The following CFAP221 variants were observed in gnomAD, a reference collection of about 807,000 sequenced individuals.
CFAP221 encodes cilia- and flagella-associated protein 221.
A neutral mutation model predicts 113.1 loss-of-function variants in CFAP221; 97 were observed. That is an observed-to-expected ratio of 0.86 (90% CI 0.73 to 1.02). The LOEUF (loss-of-function observed/expected upper bound fraction) is 1.02. Ranked by LOEUF, CFAP221 falls within the 50% of genes least tolerant of loss-of-function variation. CFAP221 has a pLI of 0.00. For missense variants in CFAP221, 1,025 were observed against 1,013.4 expected (o/e 1.01, Z -0.16); for synonymous variants, 331 against 354.4 (o/e 0.93, Z 0.74).
At chr2:119,585,362 T>G (rs1172145991) in intron 6 of CFAP221, among the ~76,000 whole-genome samples, 1 of 152,178 alleles carries the variant, frequency 6.6e-6, no homozygotes, top group Non-Finnish European at 1.5e-5. Context: ...TTGAATAAAT[T>G]AGAGACATGC....
chr2:119,658,728 G>A (rs1688530259), downstream of CFAP221, among the ~76,000 whole-genome samples: 1 of 151,814 alleles, frequency 6.6e-6, no homozygotes, highest in Non-Finnish European at 1.5e-5. Flanking sequence ...CGCCTGTAAT[G>A]CTAGCACTTT....
At chr2:119,617,796 G>A (rs906096247) in intron 14 of CFAP221, among the ~76,000 whole-genome samples, 4 of 152,162 alleles carry the variant, frequency 2.6e-5, no homozygotes, top group Non-Finnish European at 4.4e-5. Context: ...GAAACCCTCC[G>A]AAGATGTTCT....
At chr2:119,645,534 C>T (rs1687751508) in intron 21 of CFAP221, among the ~76,000 whole-genome samples, 1 of 151,576 alleles carries the variant, frequency 6.6e-6, no homozygotes, top group Non-Finnish European at 1.5e-5. Flanking sequence ...TCTATATCAG[C>T]TCACAGATGC....
At chr2:119,591,412 T>C (rs1233575918) in intron 7 of CFAP221, among the ~76,000 whole-genome samples, 4 of 152,220 alleles carry the variant, frequency 2.6e-5, no homozygotes, top group Non-Finnish European at 5.9e-5. Flanking sequence ...TGGTCAGTTT[T>C]ACCTGGTGCT....
At chr2:119,635,121 A>G (rs1687035200) in intron 19 of CFAP221, among the ~76,000 whole-genome samples, 1 of 152,264 alleles carries the variant, frequency 6.6e-6, no homozygotes. Context: ...GAAGATGCAC[A>G]GAATAATACA....
intron 7 of CFAP221, among the ~76,000 whole-genome samples, chr2:119,598,215 T>C (rs1022806224): frequency 3.9e-5 from 6 of 152,250 alleles, no homozygotes; most frequent in African/African-American, 1.4e-4. Flanking sequence ...AGAAATTTTT[T>C]TTAATGTTCC....
chr2:119,640,771 C>G (rs548838690), intron 21 of CFAP221, among the ~76,000 whole-genome samples: 54 of 152,314 alleles, frequency 3.5e-4, no homozygotes, highest in African/African-American at 1.2e-3. Flanking sequence ...GATCTTTACA[C>G]ACACCCCAGC....
intron 14 of CFAP221, among the ~76,000 whole-genome samples, chr2:119,623,631 C>T (rs1278014669): frequency 6.6e-6 from 1 of 152,208 alleles, no homozygotes; most frequent in Non-Finnish European, 1.5e-5. Context: ...TACAAGGCTA[C>T]AGTAACCAAA....
At chr2:119,655,084 C>T (rs1206508881) in intron 23 of CFAP221, among the ~76,000 whole-genome samples, 3 of 152,196 alleles carry the variant, frequency 2.0e-5, no homozygotes, top group Admixed American at 1.3e-4. Flanking sequence ...TCAGCAGTGT[C>T]CCATTTCCCC....
intron 21 of CFAP221, among the ~76,000 whole-genome samples, chr2:119,641,925 G>A (rs1574218127): frequency 6.6e-6 from 1 of 152,108 alleles, no homozygotes; most frequent in African/African-American, 2.4e-5. Flanking sequence ...ATGTCCACCC[G>A]TTGTCAGCGT....
At position 119,630,843 on chromosome 2, in the gene CFAP221, G is replaced by A; in HGVS notation, c.1916G>A (p.Ser639Asn). ...TQLSGKTSVL[S>N]MKPPEALAMS... ...CTCTCTGGCAAAACATCAGTCTTGA[G>A]CATGAAACCACCTGAGGCCTTAGCC... The change falls in exon 19 of 24, where the codon AGC becomes AAC. Residue 639 changes from serine (S) to asparagine (N), a missense_variant. Coordinates refer to ENST00000413369, the MANE Select transcript of CFAP221 (RefSeq NM_001271049.2). 3.1e-6 allele frequency: 5 copies of A among 1,613,812 alleles called. No homozygotes were observed. Among genetic ancestry groups the A allele is most frequent in the Non-Finnish European group, 4.2e-6 (5 of 1,179,694 alleles).
intron 16 of CFAP221, 50 bp from the exon 17 acceptor site, chr2:119,629,825 A>G (rs1410160250): frequency 2.1e-6 from 3 of 1,405,642 alleles, no homozygotes; most frequent in Non-Finnish European, 3.0e-6. Context: ...AAGCATAGCC[A>G]CTCTTGCTCA....
chr2:119,550,063 G>A (rs908016660), intron 3 of CFAP221, among the ~76,000 whole-genome samples: 4 of 152,052 alleles, frequency 2.6e-5, no homozygotes, highest in African/African-American at 4.8e-5. Context: ...ACTCCAGTTC[G>A]GCCCTAGATC....
chr2:119,561,025 A>G (rs989402846), intron 5 of CFAP221, among the ~76,000 whole-genome samples: 1 of 152,086 alleles, frequency 6.6e-6, no homozygotes, highest in Non-Finnish European at 1.5e-5. Context: ...GCGATGGCTC[A>G]TGTGTGTAAT....
chr2:119,649,087 T>C (rs1461235908), intron 22 of CFAP221, among the ~76,000 whole-genome samples: 2 of 152,232 alleles, frequency 1.3e-5, no homozygotes, highest in African/African-American at 4.8e-5. Flanking sequence ...TTATTTGAGA[T>C]GCAGCTCATG....
chr2:119,549,301 A>T, intron 3 of CFAP221, 116 bp downstream of exon 3: 2 of 786,938 alleles, frequency 2.5e-6, no homozygotes, highest in Non-Finnish European at 3.8e-6. Flanking sequence ...GCAAGAGTAA[A>T]TTGGGCCAGA....
At chr2:119,602,915 C>T (rs887039414) in intron 8 of CFAP221, among the ~76,000 whole-genome samples, 1 of 152,206 alleles carries the variant, frequency 6.6e-6, no homozygotes, top group Non-Finnish European at 1.5e-5. Context: ...AAGCACCATA[C>T]AAATGCAGGT....
At chr2:119,576,013 G>A (rs907061734) in intron 6 of CFAP221, among the ~76,000 whole-genome samples, 5 of 151,956 alleles carry the variant, frequency 3.3e-5, no homozygotes, top group Admixed American at 2.6e-4. Flanking sequence ...GGAGGGGTGG[G>A]AGCAGCTTTA....
In CFAP221 at chr2:119,640,330, G is replaced by A. The variant is rs569573270; in HGVS notation, c.2225+458G>A. On this transcript the variant is annotated intron_variant, in intron 21 of 23. Coordinates refer to ENST00000413369, the MANE Select transcript of CFAP221 (RefSeq NM_001271049.2). ...TGCCACAGGCTGGCATTCACTGTGA[G>A]ACCATGGCAATCCCCACACAGAAAA... Among the ~76,000 whole-genome samples the A allele has an allele frequency of 2.0e-5, 3 of 152,202 alleles. No individual in the cohort carries two copies. In the South Asian group the frequency reaches 6.2e-4, roughly 32 times the overall value.
Sources: gnomAD v4.1 joint callset for allele counts (sites outside exome capture counted in the v4.1 genomes callset) on GRCh38, gnomAD v4.1.1 for gene constraint, MANE v1.5 for transcripts, NCBI Gene and HGNC (gene_info 2026-07-23, HGNC 2026-07-21) for gene names.